Variants in DHRSX observed in about 807,000 individuals in gnomAD.
The protein encoded by DHRSX is polyprenol dehydrogenase.
A neutral mutation model predicts 34.0 loss-of-function variants in DHRSX; 31 were observed. The ratio of observed to expected loss-of-function variants is 0.91; its 90% CI spans 0.69 to 1.23. The LOEUF (loss-of-function observed/expected upper bound fraction) is 1.23. Among genes scored for constraint, DHRSX ranks in the 50% most tolerant of loss-of-function variants. DHRSX has a pLI of 0.00. For missense variants in DHRSX, 414 were observed against 428.1 expected, an observed-to-expected ratio of 0.97 and a Z score of 0.29; for synonymous variants, 201 against 183.8, an observed-to-expected ratio of 1.09 and a Z score of -0.76.
In DHRSX at chrX:2,473,819, T is replaced by C. The variant is rs1405640863; in HGVS notation, c.109+26998A>G. On this transcript the variant is annotated intron_variant, in intron 1 of 6. Coordinates refer to ENST00000334651, the MANE Select transcript of DHRSX (RefSeq NM_145177.3). ...GGGGGCATCTCCAGAAATCCAAAGA[T>C]TCAGGTTCTGAATCTCTGATCTGGG... is the stretch of plus-strand genomic sequence containing the variant. 2.1e-5 allele frequency among the ~76,000 whole-genome samples: 3 copies of C among 139,678 alleles called. 1 individual carries two copies. Among genetic ancestry groups the C allele is most frequent in the Non-Finnish European group, 4.6e-5 (3 of 65,586 alleles). 91.6% of individuals were successfully genotyped at this position (139,678 alleles called of 152,430 possible). A position where few individuals can be genotyped will look rare whatever the true frequency, so the allele number is the denominator to read the frequency against.
intron 3 of DHRSX, among the ~76,000 whole-genome samples, chrX:2,309,120 G>A (rs2042134654): frequency 6.6e-6 from 1 of 151,878 alleles, no homozygotes; most frequent in East Asian, 1.9e-4. Context: ...ATTCAATCAA[G>A]GAAATTAGGT....
intron 1 of DHRSX, among the ~76,000 whole-genome samples, chrX:2,465,685 T>A (rs770661733): frequency 3.6e-4 from 55 of 151,248 alleles, no homozygotes; most frequent in Non-Finnish European, 4.4e-5. Flanking sequence ...GGCAGGCACT[T>A]ACAATCCCAG....
intron 1 of DHRSX, among the ~76,000 whole-genome samples, chrX:2,429,955 T>C (rs1317954813): frequency 6.6e-6 from 1 of 152,116 alleles, no homozygotes; most frequent in Non-Finnish European, 1.5e-5. Context: ...TATCAATAGC[T>C]TCCATACATA....
intron 1 of DHRSX, among the ~76,000 whole-genome samples, chrX:2,499,117 A>G (rs2045350584): frequency 6.6e-6 from 1 of 152,026 alleles, no homozygotes; most frequent in Admixed American, 6.6e-5. Context: ...TGGCGCTGGG[A>G]CCCCTGGGAT....
intron 1 of DHRSX, among the ~76,000 whole-genome samples, chrX:2,460,099 A>C (rs1328204820): frequency 2.6e-5 from 4 of 152,110 alleles, no homozygotes; most frequent in Non-Finnish European, 5.9e-5. Flanking sequence ...AAAGAGCAAT[A>C]ATCCTTCTCA....
At chrX:2,307,036 G>A (rs1460463324) in intron 3 of DHRSX, among the ~76,000 whole-genome samples, 1 of 151,582 alleles carries the variant, frequency 6.6e-6, no homozygotes, top group Non-Finnish European at 1.5e-5. Context: ...TTCAATCTTG[G>A]GAGGCATGAG....
intron 3 of DHRSX, among the ~76,000 whole-genome samples, chrX:2,393,365 C>A (rs1313205843): frequency 6.6e-6 from 1 of 152,026 alleles, no homozygotes; most frequent in Admixed American, 6.6e-5. Context: ...TTGACGCCTC[C>A]CATCTCCTGT....
chrX:2,371,651 T>A (rs1297046635), intron 3 of DHRSX, among the ~76,000 whole-genome samples: 1 of 146,934 alleles, frequency 6.8e-6, no homozygotes, highest in African/African-American at 2.6e-5. Context: ...TAGTCCACAC[T>A]CCTCCCCTTA....
At chrX:2,410,943 A>G (rs970101978) in intron 2 of DHRSX, among the ~76,000 whole-genome samples, 1 of 152,212 alleles carries the variant, frequency 6.6e-6, no homozygotes, top group African/African-American at 2.4e-5. Context: ...AAAGAAACAG[A>G]ACATGATACC....
intron 1 of DHRSX, among the ~76,000 whole-genome samples, chrX:2,481,215 T>C (rs890628041): frequency 5.9e-5 from 9 of 152,194 alleles, no homozygotes; most frequent in Non-Finnish European, 1.0e-4. Context: ...TCTATAAAGA[T>C]AGCTCGCATT....
At chrX:2,338,883 T>C (rs1488194399) in intron 3 of DHRSX, among the ~76,000 whole-genome samples, 1 of 152,016 alleles carries the variant, frequency 6.6e-6, no homozygotes, top group Non-Finnish European at 1.5e-5. Flanking sequence ...TTTATGTCAC[T>C]AGTGATGACC....
intron 1 of DHRSX, among the ~76,000 whole-genome samples, chrX:2,473,265 G>A (rs183258620): frequency 0.2 from 31,001 of 151,622 alleles, 4,253 homozygotes; most frequent in African/African-American, 0.39. Context: ...CACACGGAAG[G>A]TGGATGACTC....
chrX:2,306,999 T>C (rs941786516), intron 3 of DHRSX, among the ~76,000 whole-genome samples: 2 of 151,038 alleles, frequency 1.3e-5, no homozygotes, highest in African/African-American at 4.9e-5. Flanking sequence ...ATGAAATGAG[T>C]CTGTTCTGGA....
chrX:2,355,365 A>C (rs2042836083), intron 3 of DHRSX, among the ~76,000 whole-genome samples: 1 of 151,948 alleles, frequency 6.6e-6, no homozygotes, highest in Non-Finnish European at 1.5e-5. Context: ...TACAAAAATT[A>C]GCTATGCGTT....
intron 3 of DHRSX, among the ~76,000 whole-genome samples, chrX:2,307,971 T>C (rs1003385980): frequency 1.9e-4 from 29 of 151,946 alleles, no homozygotes; most frequent in Non-Finnish European, 3.8e-4. Flanking sequence ...CAGGGCACCA[T>C]GAGAGGGACC....
At chrX:2,291,682 A>G (rs375147793) in intron 3 of DHRSX, 79 bp from the exon 4 acceptor site, 3 of 1,061,256 alleles carry the variant, frequency 2.8e-6, no homozygotes, top group South Asian at 1.3e-5. Context: ...TAAACAGGTC[A>G]AACTCAATTT....
chrX:2,431,749 A>G (rs2043926077), intron 1 of DHRSX, among the ~76,000 whole-genome samples: 1 of 152,174 alleles, frequency 6.6e-6, no homozygotes, highest in Non-Finnish European at 1.5e-5. Context: ...ACACTGAGCA[A>G]TTCAATGGGG....
intron 5 of DHRSX, among the ~76,000 whole-genome samples, chrX:2,249,188 A>T (rs2016373436): frequency 8.0e-6 from 1 of 125,482 alleles, no homozygotes; most frequent in African/African-American, 3.0e-5. Flanking sequence ...TAAAATCATA[A>T]ATCTTTTTTT....
At chrX:2,495,673 T>C (rs2124131276) in intron 1 of DHRSX, among the ~76,000 whole-genome samples, 1 of 150,620 alleles carries the variant, frequency 6.6e-6, no homozygotes, top group South Asian at 2.1e-4. Flanking sequence ...CCTCCTCCCT[T>C]GCAGCGCTTC....
Sources: allele counts gnomAD v4.1 joint callset (sites outside exome capture counted in the v4.1 genomes callset), GRCh38; gene constraint gnomAD v4.1.1; transcripts MANE v1.5; gene names NCBI Gene and HGNC (gene_info 2026-07-23, HGNC 2026-07-21).